The following MAML2 variants were observed in gnomAD, a reference collection of about 807,000 sequenced individuals.
The protein encoded by MAML2 is mastermind like transcriptional coactivator 2, also known as mastermind-like protein 2.
Under a neutral mutation model 96.1 loss-of-function variants are expected in MAML2, and 22 were observed. The observed-to-expected ratio is 0.23, with a 90% CI of 0.16 to 0.33. MAML2 has a LOEUF of 0.33. MAML2 is among the 10% of genes least tolerant of loss of function. The probability of loss-of-function intolerance (pLI) is 1.00; values close to 1 mark genes in which losing one functional copy is unlikely to be tolerated. For missense variants in MAML2, 1,367 were observed against 1,392.4 expected, an observed-to-expected ratio of 0.98 and a Z score of 0.29; for synonymous variants, 561 against 521.3, an observed-to-expected ratio of 1.08 and a Z score of -1.04.
At chr11:96,297,767 T>C (rs776703395) in intron 1 of MAML2, among the ~76,000 whole-genome samples, 1 of 152,210 alleles carries the variant, frequency 6.6e-6, no homozygotes, top group African/African-American at 2.4e-5. Flanking sequence ...ATTCCCTACA[T>C]TGTTCTTGCT....
At chr11:96,028,609 T>C (rs1858562786) in intron 2 of MAML2, among the ~76,000 whole-genome samples, 1 of 152,226 alleles carries the variant, frequency 6.6e-6, no homozygotes, top group Non-Finnish European at 1.5e-5. Flanking sequence ...CACTGATTAA[T>C]AAATATCTGT....
At chr11:96,326,636 A>G (rs548516252) in intron 1 of MAML2, among the ~76,000 whole-genome samples, 22 of 152,066 alleles carry the variant, frequency 1.4e-4, no homozygotes, top group Non-Finnish European at 2.9e-4. Context: ...CTCTACTGAA[A>G]AAATACAAAA....
At chr11:96,295,263 A>G (rs1863276234) in intron 1 of MAML2, among the ~76,000 whole-genome samples, 1 of 152,254 alleles carries the variant, frequency 6.6e-6, no homozygotes, top group South Asian at 2.1e-4. Flanking sequence ...AGTAATTAAA[A>G]AAAACCACAG....
chr11:96,343,026 C>T lies in MAML2; in HGVS notation c.-1131G>A, dbSNP rs950006252. 2.3e-5 allele frequency: 9 copies of T among 394,872 alleles called. No individual in the cohort carries two copies. The highest frequency in any genetic ancestry group is 4.1e-5 in the African/African-American group (2 of 48,544). The allele number at this position is 394,872 out of a possible 1,614,324, so 24.5% of individuals were successfully genotyped here. A position where few individuals can be genotyped will look rare whatever the true frequency, so the allele number is the denominator to read the frequency against. Reference sequence around the variant, plus strand: ...CTCGCAATAAGCAATCTGGTTCTATCTCCTGTATTTGCTCCGCTTTATAGA... The same window carrying T: ...CTCGCAATAAGCAATCTGGTTCTATTTCCTGTATTTGCTCCGCTTTATAGA... On this transcript the variant is annotated 5_prime_UTR_variant, in exon 1 of 5. Coordinates refer to ENST00000524717, the MANE Select transcript of MAML2 (RefSeq NM_032427.4).
intron 1 of MAML2, among the ~76,000 whole-genome samples, chr11:96,189,558 C>G (rs1305099576): frequency 2.0e-5 from 3 of 152,212 alleles, no homozygotes; most frequent in Non-Finnish European, 4.4e-5. Flanking sequence ...AACTGCAGCA[C>G]TACTAGTTAA....
At chr11:96,242,597 A>T (rs1862451566) in intron 1 of MAML2, among the ~76,000 whole-genome samples, 1 of 152,220 alleles carries the variant, frequency 6.6e-6, no homozygotes, top group African/African-American at 2.4e-5. Flanking sequence ...GCTGAAACAG[A>T]GCATTTCATT....
chr11:96,030,135 C>T (rs1486420264), intron 2 of MAML2, among the ~76,000 whole-genome samples: 3 of 151,842 alleles, frequency 2.0e-5, no homozygotes, highest in Non-Finnish European at 1.5e-5. Context: ...ACTCGGGAGG[C>T]TGAGGCAGGA....
intron 2 of MAML2, among the ~76,000 whole-genome samples, chr11:96,002,598 G>C (rs909013234): frequency 2.6e-5 from 4 of 151,764 alleles, no homozygotes; most frequent in African/African-American, 9.7e-5. Flanking sequence ...GGATGATGAG[G>C]ATGATGGGGA....
rs998696727 is a variant in MAML2 at position 96,230,698 on chromosome 11, A to G, written c.513+110685T>C. On this transcript the variant is annotated intron_variant, in intron 1 of 4. Coordinates refer to ENST00000524717, the MANE Select transcript of MAML2 (RefSeq NM_032427.4). ...CTTTTCTGGCCAGTCTGAGACCTAT[A>G]GAGTCCCAACGTTCTCTGATTTCAT... 2.6e-5 allele frequency among the ~76,000 whole-genome samples: 4 copies of G among 152,238 alleles called. No homozygotes were observed. The East Asian group carries it at 7.7e-4, about 29-fold the overall frequency.
At chr11:96,007,282 A>T (rs1466695807) in intron 2 of MAML2, among the ~76,000 whole-genome samples, 2 of 135,168 alleles carry the variant, frequency 1.5e-5, no homozygotes, top group Non-Finnish European at 3.1e-5. Flanking sequence ...AAGTGCTGGG[A>T]TTACAGGCGT....
chr11:96,066,215 C>T (rs1213577302), intron 2 of MAML2, among the ~76,000 whole-genome samples: 2 of 152,160 alleles, frequency 1.3e-5, no homozygotes, highest in Non-Finnish European at 2.9e-5. Context: ...CTGATCTAAG[C>T]ATCAGTGCTG....
At chr11:96,174,171 C>T (rs1236438839) in intron 1 of MAML2, among the ~76,000 whole-genome samples, 1 of 152,110 alleles carries the variant, frequency 6.6e-6, no homozygotes, top group South Asian at 2.1e-4. Flanking sequence ...AGAAGGAAAA[C>T]CCTTCCTGGC....
chr11:96,025,146 CCT>C (rs1198592666), intron 2 of MAML2, among the ~76,000 whole-genome samples: 3 of 152,114 alleles, frequency 2.0e-5, no homozygotes, highest in African/African-American at 7.2e-5. Context: ...ATGAAATCAA[CCT>C]AGGTGTCTGT....
intron 1 of MAML2, among the ~76,000 whole-genome samples, chr11:96,238,349 G>GTCAAA (rs1419324013): frequency 6.6e-6 from 1 of 152,192 alleles, no homozygotes; most frequent in Admixed American, 6.5e-5. Flanking sequence ...TATGTTTCAA[G>GTCAAA]TCAAATAACA....
chr11:96,099,316 T>C (rs1054123710), intron 1 of MAML2, among the ~76,000 whole-genome samples: 1 of 152,186 alleles, frequency 6.6e-6, no homozygotes, highest in Non-Finnish European at 1.5e-5. Flanking sequence ...GAATAGTAAA[T>C]TCTAGCTCCT....
chr11:96,265,660 G>A (rs776557636), intron 1 of MAML2, among the ~76,000 whole-genome samples: 3 of 152,200 alleles, frequency 2.0e-5, no homozygotes, highest in South Asian at 4.1e-4. Context: ...GCAGCTGGAC[G>A]TGGAGAGGAG....
At chr11:95,981,052 G>T (rs550503970) in intron 4 of MAML2, among the ~76,000 whole-genome samples, 7 of 152,324 alleles carry the variant, frequency 4.6e-5, no homozygotes, top group African/African-American at 1.7e-4. Flanking sequence ...GGCCTCTCCT[G>T]TTCCTGTGTG....
Position 96,176,825 on chromosome 11 carries a change from C to T in MAML2, c.514-83308G>A, listed in dbSNP as rs541520120. On this transcript the variant is annotated intron_variant, in intron 1 of 4. Coordinates refer to ENST00000524717, the MANE Select transcript of MAML2 (RefSeq NM_032427.4). ...CAGGGTTTAAAGGGGCTTGGAGGAG[C>T]TTCAATGTAGTGATACCGATAGGTG... is the stretch of plus-strand genomic sequence containing the variant. 1.7e-4 allele frequency among the ~76,000 whole-genome samples: 26 copies of T among 152,166 alleles called. No individual in the cohort carries two copies. The South Asian group carries it at 5.4e-3, about 32-fold the overall frequency.
intron 1 of MAML2, among the ~76,000 whole-genome samples, chr11:96,094,755 T>G (rs921606630): frequency 1.3e-5 from 2 of 152,216 alleles, no homozygotes; most frequent in African/African-American, 4.8e-5. Context: ...TTCCCAGTGC[T>G]GCAGACCCAC....
Sources: gnomAD v4.1 joint callset for allele counts (sites outside exome capture counted in the v4.1 genomes callset) on GRCh38, gnomAD v4.1.1 for gene constraint, MANE v1.5 for transcripts, NCBI Gene and HGNC (gene_info 2026-07-23, HGNC 2026-07-21) for gene names.